MARCHF3: variants seen among roughly 807,000 people sequenced by gnomAD.
MARCHF3 encodes E3 ubiquitin-protein ligase MARCHF3.
MARCHF3 carries 13 observed loss-of-function variants against 24.2 expected under a neutral mutation model. That is an observed-to-expected ratio of 0.54 (90% CI 0.35 to 0.85). The LOEUF (loss-of-function observed/expected upper bound fraction) is 0.85. MARCHF3 is among the 40% of genes least tolerant of loss of function. MARCHF3 has a pLI of 0.01. For missense variants in MARCHF3, 276 were observed against 325.0 expected, an observed-to-expected ratio of 0.85 and a Z score of 1.16; for synonymous variants, 144 against 137.3, an observed-to-expected ratio of 1.05 and a Z score of -0.34.
intron 1 of MARCHF3, among the ~76,000 whole-genome samples, chr5:126,946,778 G>GTGTGTGTGTGTGTC (rs1464218994): frequency 2.0e-5 from 3 of 150,856 alleles, no homozygotes; most frequent in Non-Finnish European, 4.4e-5. Context: ...GTGTGTGTGT[G>GTGTGTGTGTGTGTC]TGTGTGTGTG....
chr5:126,945,190 A>G (rs995461694), intron 1 of MARCHF3, among the ~76,000 whole-genome samples: 7 of 152,192 alleles, frequency 4.6e-5, no homozygotes, highest in Non-Finnish European at 8.8e-5. Flanking sequence ...ATGAAGCCAT[A>G]TTGATGGCTT....
intron 2 of MARCHF3, among the ~76,000 whole-genome samples, chr5:126,916,991 G>A (rs1046067604): frequency 6.6e-6 from 1 of 152,164 alleles, no homozygotes; most frequent in African/African-American, 2.4e-5. Flanking sequence ...GAGGGCATAT[G>A]AGCAGTGTTT....
chr5:127,020,904 C>G (rs1474544550), intron 1 of MARCHF3, among the ~76,000 whole-genome samples: 2 of 151,398 alleles, frequency 1.3e-5, no homozygotes, highest in Non-Finnish European at 3.0e-5. Flanking sequence ...AAAAAGAGAC[C>G]CTGGAGAGCT....
At position 126,917,973 on chromosome 5, in the gene MARCHF3, TGTG is replaced by T; in HGVS notation, c.188+8_188+10del. 6.2e-7 allele frequency: 1 copy of T among 1,610,038 alleles called. No homozygotes were observed. The highest frequency in any genetic ancestry group is 1.1e-5 in the South Asian group (1 of 90,494). ...CAATTACAGATTCATTTATTTTAAT[TGTG>T]GTACTACCTCTGGGTGGCAAGAGTC... On this transcript the variant is annotated splice_region_variant and intron_variant, in intron 2 of 4. Transcript: ENST00000308660.
At chr5:126,983,686 GCCAGGTCCCTCGCTTT>G (rs1425775336) in intron 1 of MARCHF3, among the ~76,000 whole-genome samples, 2 of 151,604 alleles carry the variant, frequency 1.3e-5, no homozygotes, top group African/African-American at 4.9e-5. Flanking sequence ...CGGCTGAGGA[GCCAGGTCCCTCGCTTT>G]CCAACTTGTC....
chr5:126,943,327 C>A (rs1749895115), intron 1 of MARCHF3, among the ~76,000 whole-genome samples: 2 of 151,348 alleles, frequency 1.3e-5, no homozygotes, highest in South Asian at 4.2e-4. Flanking sequence ...CTTGTAATCC[C>A]AGCACCTTGG....
chr5:127,022,657 C>T (rs1015615804), intron 1 of MARCHF3, among the ~76,000 whole-genome samples: 4 of 152,196 alleles, frequency 2.6e-5, no homozygotes, highest in African/African-American at 7.2e-5. Flanking sequence ...TCCCAACCCC[C>T]GGATCCAAAG....
At chr5:126,985,300 G>C (rs1184476961) in intron 1 of MARCHF3, among the ~76,000 whole-genome samples, 2 of 151,796 alleles carry the variant, frequency 1.3e-5, no homozygotes, top group Admixed American at 6.6e-5. Flanking sequence ...TTTTCATCTG[G>C]TCATTTAATT....
intron 1 of MARCHF3, among the ~76,000 whole-genome samples, chr5:127,014,843 AG>A (rs1334455225): frequency 6.6e-6 from 1 of 152,212 alleles, no homozygotes; most frequent in East Asian, 1.9e-4. Flanking sequence ...AATTGGTTAA[AG>A]GATATAAAAT....
chr5:126,895,880 C>T (rs970125425), intron 3 of MARCHF3, among the ~76,000 whole-genome samples: 7 of 152,148 alleles, frequency 4.6e-5, no homozygotes, highest in African/African-American at 1.7e-4. Flanking sequence ...CCTAATCAAG[C>T]CTGGGCAGTG....
chr5:126,995,498 A>G (rs1014760875), intron 1 of MARCHF3, among the ~76,000 whole-genome samples: 1 of 152,222 alleles, frequency 6.6e-6, no homozygotes, highest in African/African-American at 2.4e-5. Context: ...TGTGTTTTCT[A>G]TGATGAAGCA....
In MARCHF3 at chr5:126,987,185, T is replaced by C. The variant is rs376969868; in HGVS notation, c.-57+43165A>G. Among the ~76,000 whole-genome samples, 6 of 152,290 alleles carry C rather than the reference T, an allele frequency of 3.9e-5. No homozygotes were observed. In the East Asian group the frequency reaches 1.2e-3, roughly 29 times the overall value. ...GGAATTCTGCCTCAAGATTGTAACATAGAAAATGAGGAGTTATTCATTAGT... is the reference window on the plus strand; with the variant it reads ...GGAATTCTGCCTCAAGATTGTAACACAGAAAATGAGGAGTTATTCATTAGT... On this transcript the variant is annotated intron_variant, in intron 1 of 4. Transcript: ENST00000308660.
chr5:126,901,383 T>G (rs1399941918), intron 3 of MARCHF3, among the ~76,000 whole-genome samples: 2 of 152,110 alleles, frequency 1.3e-5, no homozygotes, highest in Non-Finnish European at 2.9e-5. Flanking sequence ...TTAATGCCAC[T>G]GGACTGGAAT....
chr5:126,921,859 G>T (rs1049197757), intron 1 of MARCHF3, among the ~76,000 whole-genome samples: 1 of 152,222 alleles, frequency 6.6e-6, no homozygotes, highest in East Asian at 1.9e-4. Context: ...GCACACAGTG[G>T]GAGGAGCGGG....
chr5:126,924,390 C>T lies in MARCHF3; in HGVS notation c.-56-6163G>A, dbSNP rs1041709852. Among the ~76,000 whole-genome samples, 12 of 152,234 alleles carry T rather than the reference C, an allele frequency of 7.9e-5. No homozygotes were observed. The East Asian group carries it at 1.5e-3, about 20-fold the overall frequency. ...AGACCAATGAATGGACAATACAAGGCGGTCAGTGACTGAAACGGGAAAAAA... is the reference window on the plus strand; with the variant it reads ...AGACCAATGAATGGACAATACAAGGTGGTCAGTGACTGAAACGGGAAAAAA... On this transcript the variant is annotated intron_variant, in intron 1 of 4. Coordinates refer to ENST00000308660, the MANE Select transcript of MARCHF3 (RefSeq NM_178450.5).
chr5:126,890,160 T>C (rs1255214826), intron 3 of MARCHF3, among the ~76,000 whole-genome samples: 1 of 152,166 alleles, frequency 6.6e-6, no homozygotes, highest in Non-Finnish European at 1.5e-5. Context: ...CAGAGGGCAA[T>C]GTTCTCTATT....
At chr5:126,954,199 ATTTTTT>A (rs750262766) in intron 1 of MARCHF3, among the ~76,000 whole-genome samples, 5 of 114,086 alleles carry the variant, frequency 4.4e-5, no homozygotes, top group East Asian at 2.4e-4. Flanking sequence ...CGCCCGGCTA[ATTTTTT>A]TTTTTTTTTT....
intron 1 of MARCHF3, among the ~76,000 whole-genome samples, chr5:126,954,043 TTATTTC>T (rs1270126286): frequency 1.3e-5 from 2 of 152,024 alleles, no homozygotes; most frequent in Non-Finnish European, 2.9e-5. Flanking sequence ...ATTTTTATTT[TTATTTC>T]TATTTTTATT....
At chr5:126,914,228 C>T (rs1262845102) in intron 3 of MARCHF3, among the ~76,000 whole-genome samples, 2 of 151,808 alleles carry the variant, frequency 1.3e-5, no homozygotes, top group Non-Finnish European at 2.9e-5. Context: ...TGTGATCCGC[C>T]CACCTCGGCC....
Sources: allele counts gnomAD v4.1 joint callset (sites outside exome capture counted in the v4.1 genomes callset), GRCh38; gene constraint gnomAD v4.1.1; transcripts MANE v1.5; gene names NCBI Gene and HGNC (gene_info 2026-07-23, HGNC 2026-07-21).